LARP4B: variants seen among roughly 807,000 people sequenced by gnomAD.
LARP4B encodes la-related protein 4B.
A neutral mutation model predicts 89.8 loss-of-function variants in LARP4B; 12 were observed. That is an observed-to-expected ratio of 0.13 (90% confidence interval 0.09 to 0.22). LARP4B has a LOEUF of 0.22. Ranked by LOEUF, LARP4B falls within the 10% of genes least tolerant of loss-of-function variation. LARP4B has a pLI of 1.00. For synonymous variants in LARP4B, 367 were observed against 363.3 expected (o/e 1.01, Z -0.12); for missense variants, 757 against 947.7 (o/e 0.80, Z 2.64).
At chr10:926,079 T>A (rs558910905) in intron 1 of LARP4B, among the ~76,000 whole-genome samples, 1 of 152,356 alleles carries the variant, frequency 6.6e-6, no homozygotes, top group East Asian at 1.9e-4. Flanking sequence ...GGAACACAGG[T>A]GGGAGATGTC....
At chr10:978,640 G>C in the LARP4B span, among the ~76,000 whole-genome samples, 1 of 152,134 alleles carries the variant, frequency 6.6e-6, no homozygotes, top group Non-Finnish European at 1.5e-5. Flanking sequence ...CCCTAGTTCT[G>C]AAAGTAGGAC....
intron 5 of LARP4B, among the ~76,000 whole-genome samples, chr10:848,719 A>G (rs1404667752): frequency 6.6e-6 from 1 of 152,192 alleles, no homozygotes; most frequent in Non-Finnish European, 1.5e-5. Flanking sequence ...CAGAAAAATG[A>G]GAAGCACAAC....
intron 8 of LARP4B, among the ~76,000 whole-genome samples, chr10:831,634 C>T (rs947215012): frequency 2.0e-5 from 3 of 152,158 alleles, no homozygotes; most frequent in Admixed American, 2.0e-4. Context: ...CCACCGGCCA[C>T]AGTGGAAAAC....
intron 5 of LARP4B, among the ~76,000 whole-genome samples, chr10:848,532 T>C (rs1833887471): frequency 6.6e-6 from 1 of 151,144 alleles, no homozygotes; most frequent in African/African-American, 2.4e-5. Flanking sequence ...GTATTCCATA[T>C]GTTCACGAAG....
At chr10:879,745 G>A (rs1240949707) in intron 3 of LARP4B, among the ~76,000 whole-genome samples, 2 of 148,992 alleles carry the variant, frequency 1.3e-5, no homozygotes, top group Admixed American at 6.7e-5. Flanking sequence ...GGGATTTATA[G>A]GTGTGAGCCA....
At chr10:849,478 AATCCAC>A (rs1833937217) in intron 5 of LARP4B, among the ~76,000 whole-genome samples, 2 of 152,246 alleles carry the variant, frequency 1.3e-5, no homozygotes, top group Non-Finnish European at 2.9e-5. Flanking sequence ...AACATTCTGG[AATCCAC>A]ACTGCTATAA....
At chr10:890,292 CTG>C (rs1396311431) in intron 1 of LARP4B, among the ~76,000 whole-genome samples, 10 of 152,204 alleles carry the variant, frequency 6.6e-5, no homozygotes, top group African/African-American at 2.4e-4. Context: ...ATTGTGTAAA[CTG>C]TATCATCAAT....
intron 5 of LARP4B, among the ~76,000 whole-genome samples, chr10:863,367 C>A (rs1001839830): frequency 6.6e-6 from 1 of 152,018 alleles, no homozygotes; most frequent in Non-Finnish European, 1.5e-5. Context: ...GGACTACAGG[C>A]GCCCGCCACC....
At chr10:869,665 T>A (rs1261335356) in intron 3 of LARP4B, among the ~76,000 whole-genome samples, 3 of 152,014 alleles carry the variant, frequency 2.0e-5, no homozygotes, top group Non-Finnish European at 2.9e-5. Flanking sequence ...GGCGGGTGGA[T>A]CTCCTGAGGT....
intron 5 of LARP4B, among the ~76,000 whole-genome samples, chr10:846,848 G>A (rs1185687311): frequency 6.6e-6 from 1 of 152,164 alleles, no homozygotes; most frequent in East Asian, 1.9e-4. Flanking sequence ...CCCACCTTCA[G>A]CAGGAGGCAA....
chr10:835,568 G>T (rs1307293671), intron 8 of LARP4B, among the ~76,000 whole-genome samples: 2 of 152,228 alleles, frequency 1.3e-5, no homozygotes, highest in African/African-American at 2.4e-5. Context: ...GTGACCATCA[G>T]TGTGTTTACT....
the LARP4B span, among the ~76,000 whole-genome samples, chr10:978,383 A>T: frequency 2.0e-5 from 3 of 152,178 alleles, no homozygotes; most frequent in African/African-American, 7.2e-5. Flanking sequence ...ATCTTTATGA[A>T]TTAAACATTT....
chr10:964,524 C>G, the LARP4B span, among the ~76,000 whole-genome samples: 26,318 of 152,018 alleles, frequency 0.17, 2,592 homozygotes, highest in East Asian at 0.3. Context: ...AACGCTGTTG[C>G]AGCAGATGAT....
chr10:906,290 T>C (rs999681365), intron 1 of LARP4B, among the ~76,000 whole-genome samples: 7 of 152,208 alleles, frequency 4.6e-5, no homozygotes, highest in African/African-American at 1.7e-4. Context: ...CTGTGATTTG[T>C]TTTTGAGATA....
intron 8 of LARP4B, among the ~76,000 whole-genome samples, chr10:835,455 T>C (rs143770433): frequency 0.021 from 3,242 of 152,302 alleles, 64 homozygotes; most frequent in Admixed American, 0.061. Flanking sequence ...CCAGGCTTCC[T>C]GTGTTCTGCG....
intron 13 of LARP4B, among the ~76,000 whole-genome samples, chr10:824,274 C>A (rs1832505353): frequency 6.6e-6 from 1 of 152,178 alleles, no homozygotes; most frequent in Non-Finnish European, 1.5e-5. Flanking sequence ...AGGAGGATGG[C>A]TCTAGGCCAG....
chr10:952,361 AAAG>A, the LARP4B span, among the ~76,000 whole-genome samples: 3 of 150,058 alleles, frequency 2.0e-5, no homozygotes, highest in African/African-American at 7.4e-5. Context: ...AAAAAAAAAA[AAAG>A]GAAGAAATCG....
At chr10:849,056 A>G in intron 5 of LARP4B, among the ~76,000 whole-genome samples, 1 of 152,192 alleles carries the variant, frequency 6.6e-6, no homozygotes, top group Middle Eastern at 3.2e-3. Flanking sequence ...CTCTATGTGA[A>G]GCAGCACGCA....
At chr10:863,004 CTTA>C (rs1834702680) in intron 5 of LARP4B, among the ~76,000 whole-genome samples, 1 of 152,290 alleles carries the variant, frequency 6.6e-6, no homozygotes, top group South Asian at 2.1e-4. Flanking sequence ...CCCCAAACAA[CTTA>C]TTTTCTTCAT....
Sources: gnomAD v4.1 joint callset for allele counts (sites outside exome capture counted in the v4.1 genomes callset) on GRCh38, gnomAD v4.1.1 for gene constraint, MANE v1.5 for transcripts, NCBI Gene and HGNC (gene_info 2026-07-23, HGNC 2026-07-21) for gene names.